The following DPP6 variants were observed in gnomAD, a reference collection of about 807,000 sequenced individuals.
DPP6 encodes A-type potassium channel modulatory protein DPP6.
A neutral mutation model predicts 122.6 loss-of-function variants in DPP6; 69 were observed. The observed-to-expected ratio is 0.56, with a 90% CI of 0.46 to 0.69. DPP6 has a LOEUF of 0.69. Among genes scored for constraint, DPP6 ranks in the 30% least tolerant of loss-of-function variants. DPP6 has a pLI of 0.00. For missense variants in DPP6, 928 were observed against 1,116.9 expected, an observed-to-expected ratio of 0.83 and a Z score of 2.41; for synonymous variants, 418 against 433.1, an observed-to-expected ratio of 0.97 and a Z score of 0.43.
At chr7:154,358,587 G>C (rs936384278) in intron 1 of DPP6, among the ~76,000 whole-genome samples, 1 of 152,168 alleles carries the variant, frequency 6.6e-6, no homozygotes, top group African/African-American at 2.4e-5. Context: ...CAGTTCCCTA[G>C]GACCTCTGGG....
chr7:153,966,722 A>G (rs1376404157), intron 1 of DPP6, among the ~76,000 whole-genome samples: 2 of 151,978 alleles, frequency 1.3e-5, no homozygotes, highest in Non-Finnish European at 2.9e-5. Flanking sequence ...ACAAAATACT[A>G]TGAGTAGAAG....
intron 1 of DPP6, chr7:154,094,364 C>G (rs900658317): frequency 1.3e-5 from 2 of 152,392 alleles, no homozygotes; most frequent in Non-Finnish European, 2.9e-5. Context: ...AGTGCTGGCC[C>G]TGGTGGAGTT....
chr7:154,742,678 G>T (rs1842867773), intron 8 of DPP6, among the ~76,000 whole-genome samples: 1 of 152,216 alleles, frequency 6.6e-6, no homozygotes, highest in Admixed American at 6.5e-5. Context: ...ATCTGTGGTT[G>T]TCCCACTGTC....
chr7:154,360,980 T>C (rs1811675922), intron 1 of DPP6, among the ~76,000 whole-genome samples: 1 of 152,134 alleles, frequency 6.6e-6, no homozygotes, highest in African/African-American at 2.4e-5. Flanking sequence ...CTGAACTCCA[T>C]GGGCCAGTGG....
At chr7:154,508,423 A>G (rs11766937) in intron 3 of DPP6, among the ~76,000 whole-genome samples, 39,137 of 152,052 alleles carry the variant, frequency 0.26, 5,270 homozygotes, top group Admixed American at 0.31. Flanking sequence ...CCTCCATCGG[A>G]TACTCTGTAT....
chr7:154,634,620 T>TCTCCTC (rs890706036), intron 5 of DPP6, among the ~76,000 whole-genome samples: 6 of 150,342 alleles, frequency 4.0e-5, no homozygotes, highest in African/African-American at 1.5e-4. Flanking sequence ...AAAGCAGTTC[T>TCTCCTC]CTCCTCCTCC....
At chr7:154,248,544 A>G (rs1802137878) in intron 1 of DPP6, among the ~76,000 whole-genome samples, 1 of 152,206 alleles carries the variant, frequency 6.6e-6, no homozygotes, top group South Asian at 2.1e-4. Context: ...GAGGGTATGC[A>G]CCAAATGATC....
At chr7:153,935,099 G>A (rs1259103948) in intron 1 of DPP6, among the ~76,000 whole-genome samples, 1 of 152,186 alleles carries the variant, frequency 6.6e-6, no homozygotes, top group East Asian at 1.9e-4. Flanking sequence ...ATCCCAGTGG[G>A]TGCTGAGGAA....
At chr7:154,219,199 C>T (rs1800168568) in intron 1 of DPP6, among the ~76,000 whole-genome samples, 1 of 152,146 alleles carries the variant, frequency 6.6e-6, no homozygotes, top group African/African-American at 2.4e-5. Flanking sequence ...GACCTTCATC[C>T]CCAGGCCAAG....
chr7:154,295,046 C>G (rs73727951), intron 1 of DPP6, among the ~76,000 whole-genome samples: 1 of 152,206 alleles, frequency 6.6e-6, no homozygotes, highest in African/African-American at 2.4e-5. Flanking sequence ...CCTGTGCCGG[C>G]GCTCCCTTGC....
At chr7:154,250,607 T>G (rs921566340) in intron 1 of DPP6, among the ~76,000 whole-genome samples, 1 of 152,190 alleles carries the variant, frequency 6.6e-6, no homozygotes, top group Non-Finnish European at 1.5e-5. Flanking sequence ...GAAATGCTTT[T>G]CCCAAAGATG....
At chr7:154,350,637 G>T (rs1320963717) in intron 1 of DPP6, among the ~76,000 whole-genome samples, 3 of 152,148 alleles carry the variant, frequency 2.0e-5, no homozygotes, top group Non-Finnish European at 2.9e-5. Flanking sequence ...AGTGAGTTGG[G>T]TATCACTGCT....
chr7:154,549,000 G>A (rs1317168459), intron 4 of DPP6, among the ~76,000 whole-genome samples: 1 of 152,182 alleles, frequency 6.6e-6, no homozygotes, highest in Non-Finnish European at 1.5e-5. Flanking sequence ...GCGGTTAGTA[G>A]GTTGTTTTGG....
At chr7:154,815,399 G>A (rs764491149) in intron 16 of DPP6, among the ~76,000 whole-genome samples, 12 of 152,126 alleles carry the variant, frequency 7.9e-5, no homozygotes, top group Admixed American at 7.9e-4. Context: ...AAATTCAACC[G>A]CCAGAGCCAC....
chr7:154,361,572 G>C (rs1811721801), intron 1 of DPP6, among the ~76,000 whole-genome samples: 1 of 107,670 alleles, frequency 9.3e-6, no homozygotes, highest in East Asian at 2.7e-4. Flanking sequence ...AAAAACACCT[G>C]AGCAAAGAAA....
At chr7:154,673,559 G>C (rs79124967) in intron 7 of DPP6, among the ~76,000 whole-genome samples, 18,487 of 152,250 alleles carry the variant, frequency 0.12, 1,215 homozygotes, top group African/African-American at 0.16. Flanking sequence ...GCTGCCAGAA[G>C]CCACTTCTGT....
intron 1 of DPP6, among the ~76,000 whole-genome samples, chr7:153,894,185 T>C (rs1799315557): frequency 6.6e-6 from 1 of 152,188 alleles, no homozygotes; most frequent in Non-Finnish European, 1.5e-5. Context: ...TTTTATTGGG[T>C]ATGACAAGAA....
At chr7:154,254,188 G>A (rs949517005) in intron 1 of DPP6, among the ~76,000 whole-genome samples, 4 of 152,138 alleles carry the variant, frequency 2.6e-5, no homozygotes, top group Non-Finnish European at 5.9e-5. Flanking sequence ...TGAAGAAATG[G>A]GGGTTTAACA....
At chr7:154,175,812 A>G (rs184405459) in intron 1 of DPP6, among the ~76,000 whole-genome samples, 1 of 146,244 alleles carries the variant, frequency 6.8e-6, no homozygotes, top group African/African-American at 2.5e-5. Flanking sequence ...CTCAGCCTCC[A>G]GGGTAGCTGG....
Sources: gnomAD v4.1 joint callset for allele counts (sites outside exome capture counted in the v4.1 genomes callset) on GRCh38, gnomAD v4.1.1 for gene constraint, MANE v1.5 for transcripts, NCBI Gene and HGNC (gene_info 2026-07-23, HGNC 2026-07-21) for gene names.